TMEM132C: variants seen among roughly 807,000 people sequenced by gnomAD.
TMEM132C encodes protein phosphatase 1, regulatory subunit 152.
A neutral mutation model predicts 61.4 loss-of-function variants in TMEM132C; 29 were observed. The ratio of observed to expected loss-of-function variants is 0.47; its 90% CI spans 0.35 to 0.64. TMEM132C has a LOEUF of 0.64. Ranked by LOEUF, TMEM132C falls within the 30% of genes least tolerant of loss-of-function variation. TMEM132C has a pLI of 0.00. For synonymous variants in TMEM132C, 656 were observed against 633.1 expected, an observed-to-expected ratio of 1.04 and a Z score of -0.54; for missense variants, 1,408 against 1,476.9, an observed-to-expected ratio of 0.95 and a Z score of 0.76.
chr12:128,376,702 C>T (rs1171876964), intron 1 of TMEM132C, among the ~76,000 whole-genome samples: 1 of 152,130 alleles, frequency 6.6e-6, no homozygotes, highest in Admixed American at 6.5e-5. Flanking sequence ...ATGAACAGGT[C>T]TAGTAAAGGG....
intron 1 of TMEM132C, among the ~76,000 whole-genome samples, chr12:128,383,433 G>A (rs556516325): frequency 5.8e-4 from 89 of 152,290 alleles, no homozygotes; most frequent in African/African-American, 2.1e-3. Flanking sequence ...GTGCTGAGTC[G>A]ACCTGTCCTC....
intron 4 of TMEM132C, among the ~76,000 whole-genome samples, chr12:128,625,538 CA>C (rs1419990637): frequency 1.3e-5 from 2 of 152,146 alleles, no homozygotes; most frequent in Admixed American, 1.3e-4. Flanking sequence ...CAAGGAGGAG[CA>C]AGTCACATCT....
intron 1 of TMEM132C, among the ~76,000 whole-genome samples, chr12:128,401,181 G>A (rs535024573): frequency 6.6e-6 from 1 of 152,264 alleles, no homozygotes; most frequent in South Asian, 2.1e-4. Flanking sequence ...TACCTATATA[G>A]AATGTTGATT....
chr12:128,271,792 GA>G (rs1383503935), intron 1 of TMEM132C, among the ~76,000 whole-genome samples: 33 of 152,230 alleles, frequency 2.2e-4, no homozygotes, highest in Admixed American at 2.2e-3. Context: ...GTCATGCAGA[GA>G]AGAGCTCAGC....
chr12:128,572,001 A>G (rs1235797944), intron 3 of TMEM132C, among the ~76,000 whole-genome samples: 1 of 152,230 alleles, frequency 6.6e-6, no homozygotes, highest in African/African-American at 2.4e-5. Flanking sequence ...AACCAATCAT[A>G]TGTCTCTGCT....
chr12:128,610,835 C>T (rs1425606629), intron 3 of TMEM132C, among the ~76,000 whole-genome samples: 1 of 152,172 alleles, frequency 6.6e-6, no homozygotes, highest in Non-Finnish European at 1.5e-5. Flanking sequence ...TCAGGAAATG[C>T]ACTGTATACA....
At chr12:128,355,260 T>C (rs78691784) in intron 1 of TMEM132C, among the ~76,000 whole-genome samples, 4,555 of 152,172 alleles carry the variant, frequency 0.03, 195 homozygotes, top group African/African-American at 0.092. Context: ...TCCCAGACCA[T>C]GGAGGGATCT....
intron 1 of TMEM132C, among the ~76,000 whole-genome samples, chr12:128,321,218 A>G (rs777078315): frequency 6.6e-6 from 1 of 151,682 alleles, no homozygotes; most frequent in Non-Finnish European, 1.5e-5. Flanking sequence ...ACACTGCTTA[A>G]GATTAAACAT....
At position 128,706,366 on chromosome 12, in the gene TMEM132C, G is replaced by A. The variant is rs772465291; in HGVS notation, c.*71G>A. On this transcript the variant is annotated 3_prime_UTR_variant, in exon 9 of 9. Coordinates refer to ENST00000435159, the MANE Select transcript of TMEM132C (RefSeq NM_001136103.3). ...GAAACTGGCCCAAGTGGGGCAGAAG[G>A]CGTTGTCAGTGGGGTTAAGAAGGGA... The A allele has an allele frequency of 6.9e-6, 10 of 1,444,382 alleles. No individual in the cohort carries two copies. The African/African-American group carries it at 7.2e-5, about 10-fold the overall frequency. 89.5% of individuals were successfully genotyped at this position (1,444,382 alleles called of 1,614,324 possible).
chr12:128,521,662 C>T (rs1281787372), intron 2 of TMEM132C, among the ~76,000 whole-genome samples: 3 of 152,102 alleles, frequency 2.0e-5, no homozygotes, highest in African/African-American at 7.2e-5. Context: ...GCAATATCTA[C>T]TCTACCAGAT....
At chr12:128,373,241 T>G (rs1382229872) in intron 1 of TMEM132C, among the ~76,000 whole-genome samples, 2 of 152,122 alleles carry the variant, frequency 1.3e-5, no homozygotes, top group African/African-American at 4.8e-5. Flanking sequence ...TCAGGCATCA[T>G]ACTCTTGGTC....
intron 1 of TMEM132C, among the ~76,000 whole-genome samples, chr12:128,317,276 G>A (rs1408974142): frequency 6.6e-6 from 1 of 152,116 alleles, no homozygotes; most frequent in African/African-American, 2.4e-5. Flanking sequence ...TTGCCATGTG[G>A]TTATACAATA....
At chr12:128,364,530 A>C (rs910900569) in intron 1 of TMEM132C, among the ~76,000 whole-genome samples, 1 of 152,158 alleles carries the variant, frequency 6.6e-6, no homozygotes, top group African/African-American at 2.4e-5. Context: ...CATGGAGTCC[A>C]AGAGAGGGGT....
chr12:128,505,756 G>A (rs750053173), intron 2 of TMEM132C, among the ~76,000 whole-genome samples: 4 of 152,212 alleles, frequency 2.6e-5, no homozygotes, highest in Non-Finnish European at 4.4e-5. Flanking sequence ...TCAATTGAGT[G>A]ATGAACTGGA....
At chr12:128,602,200 T>C (rs2135574454) in intron 3 of TMEM132C, among the ~76,000 whole-genome samples, 1 of 152,272 alleles carries the variant, frequency 6.6e-6, no homozygotes, top group Middle Eastern at 3.4e-3. Context: ...AGCAAGACCG[T>C]GTCTCTAAAA....
At chr12:128,663,200 G>A (rs540600336) in intron 4 of TMEM132C, among the ~76,000 whole-genome samples, 20 of 152,246 alleles carry the variant, frequency 1.3e-4, no homozygotes, top group African/African-American at 4.3e-4. Context: ...TTCAGAACAC[G>A]TGCATCACCA....
chr12:128,485,263 G>A (rs901671171), intron 2 of TMEM132C, among the ~76,000 whole-genome samples: 5 of 152,178 alleles, frequency 3.3e-5, no homozygotes, highest in East Asian at 1.9e-4. Context: ...TGCAACCTCC[G>A]CCTCGCAGGT....
At chr12:128,439,891 C>T (rs540989236) in intron 2 of TMEM132C, among the ~76,000 whole-genome samples, 21 of 152,118 alleles carry the variant, frequency 1.4e-4, no homozygotes, top group Non-Finnish European at 2.6e-4. Context: ...CTGTGAGCCT[C>T]CTTCGAGAAT....
intron 2 of TMEM132C, among the ~76,000 whole-genome samples, chr12:128,456,224 A>G (rs1870334295): frequency 6.6e-6 from 1 of 151,982 alleles, no homozygotes; most frequent in South Asian, 2.1e-4. Flanking sequence ...ACACACAAAG[A>G]CTAAATCTGA....
Sources: allele counts gnomAD v4.1 joint callset (sites outside exome capture counted in the v4.1 genomes callset), GRCh38; gene constraint gnomAD v4.1.1; transcripts MANE v1.5; gene names NCBI Gene and HGNC (gene_info 2026-07-23, HGNC 2026-07-21).